Variants in MDGA2 observed in about 807,000 individuals in gnomAD.
MDGA2 encodes MAM domain-containing glycosylphosphatidylinositol anchor protein 2.
MDGA2 carries 40 observed loss-of-function variants against 117.8 expected under a neutral mutation model. That is an observed-to-expected ratio of 0.34 (90% CI 0.26 to 0.44). The LOEUF (loss-of-function observed/expected upper bound fraction) is 0.44. MDGA2 is among the 20% of genes least tolerant of loss of function. The pLI, the probability that MDGA2 is intolerant of heterozygous loss-of-function variation, is 1.00. For missense variants in MDGA2, 1,123 were observed against 1,250.6 expected (o/e 0.90, Z 1.54); for synonymous variants, 452 against 439.0 (o/e 1.03, Z -0.37).
chr14:47,601,443 A>G (rs1462376888), intron 1 of MDGA2, among the ~76,000 whole-genome samples: 1 of 152,188 alleles, frequency 6.6e-6, no homozygotes, highest in Non-Finnish European at 1.5e-5. Flanking sequence ...TCTTTCTGGA[A>G]GATGACAAAG....
At chr14:47,119,052 CTT>C (rs371151507) in intron 5 of MDGA2, among the ~76,000 whole-genome samples, 88 of 124,322 alleles carry the variant, frequency 7.1e-4, no homozygotes, top group Admixed American at 8.4e-4. Flanking sequence ...TACATATTCT[CTT>C]TTTTTTTTTT....
chr14:46,954,142 T>G (rs573336098), intron 9 of MDGA2, among the ~76,000 whole-genome samples: 79 of 152,128 alleles, frequency 5.2e-4, no homozygotes, highest in African/African-American at 1.8e-3. Flanking sequence ...TTTTCCTCAT[T>G]GACTGCTTCT....
At chr14:47,423,201 T>C (rs1892614645) in intron 1 of MDGA2, among the ~76,000 whole-genome samples, 1 of 152,180 alleles carries the variant, frequency 6.6e-6, no homozygotes, top group African/African-American at 2.4e-5. Flanking sequence ...ATGAGCTAAA[T>C]TTGAAATTCA....
In MDGA2 at chr14:47,129,687, A is replaced by T. The variant is rs1379904165; in HGVS notation, c.925+2027T>A. Among the ~76,000 whole-genome samples, 11 of 148,694 alleles carry T rather than the reference A, an allele frequency of 7.4e-5. No individual in the cohort carries two copies. In the East Asian group the frequency reaches 1.8e-3, roughly 24 times the overall value. On this transcript the variant is annotated intron_variant, in intron 5 of 16. Transcript: ENST00000399232. Reference sequence around the variant, plus strand: ...GCCACACTGACTTCCACAATGGTTGAACTAGTTTACAGTCCCACCAACAGT... The same window carrying T: ...GCCACACTGACTTCCACAATGGTTGTACTAGTTTACAGTCCCACCAACAGT...
chr14:47,229,166 A>G (rs1566691593), intron 2 of MDGA2, among the ~76,000 whole-genome samples: 1 of 152,132 alleles, frequency 6.6e-6, no homozygotes, highest in Non-Finnish European at 1.5e-5. Flanking sequence ...TTACACATAT[A>G]TAGTATACCG....
chr14:47,437,996 C>T (rs1393048142), intron 1 of MDGA2, among the ~76,000 whole-genome samples: 1 of 152,074 alleles, frequency 6.6e-6, no homozygotes, highest in East Asian at 1.9e-4. Flanking sequence ...AGAATTTCTC[C>T]CATTATAGGT....
chr14:47,377,861 G>A (rs1891516013), intron 1 of MDGA2, among the ~76,000 whole-genome samples: 1 of 152,186 alleles, frequency 6.6e-6, no homozygotes, highest in South Asian at 2.1e-4. Context: ...GAAGAGAGTA[G>A]TGGTTCTCCC....
intron 2 of MDGA2, among the ~76,000 whole-genome samples, chr14:47,235,339 A>G (rs981932543): frequency 2.0e-5 from 3 of 152,194 alleles, no homozygotes; most frequent in African/African-American, 7.2e-5. Flanking sequence ...TTATGATACA[A>G]AAAAGTTTCA....
chr14:47,499,230 G>T (rs1375970341), intron 1 of MDGA2, among the ~76,000 whole-genome samples: 1 of 151,982 alleles, frequency 6.6e-6, no homozygotes, highest in African/African-American at 2.4e-5. Flanking sequence ...CCACTTACTG[G>T]TCTTTGTTAG....
At chr14:47,604,911 C>T (rs1413756479) in intron 1 of MDGA2, among the ~76,000 whole-genome samples, 1 of 152,144 alleles carries the variant, frequency 6.6e-6, no homozygotes, top group African/African-American at 2.4e-5. Context: ...CCTACCTGCA[C>T]AGGACTGCTC....
At chr14:47,360,567 A>G (rs1159561238) in intron 1 of MDGA2, among the ~76,000 whole-genome samples, 1 of 152,104 alleles carries the variant, frequency 6.6e-6, no homozygotes, top group East Asian at 1.9e-4. Flanking sequence ...AAAAGACAAG[A>G]GATAACAAGT....
intron 5 of MDGA2, among the ~76,000 whole-genome samples, chr14:47,114,731 A>C (rs1445586405): frequency 2.0e-5 from 3 of 152,146 alleles, no homozygotes; most frequent in Non-Finnish European, 4.4e-5. Context: ...CAGAAAATTG[A>C]AACTAGGCCA....
chr14:47,100,907 G>A (rs1025906129), intron 5 of MDGA2, among the ~76,000 whole-genome samples: 1 of 151,970 alleles, frequency 6.6e-6, no homozygotes, highest in East Asian at 1.9e-4. Context: ...AATGACTATG[G>A]TGCCAGTCAG....
chr14:47,458,511 G>A (rs1023302476), intron 1 of MDGA2, among the ~76,000 whole-genome samples: 2 of 152,116 alleles, frequency 1.3e-5, no homozygotes, highest in African/African-American at 2.4e-5. Context: ...CGGTGAGGGG[G>A]AAATGGAGAG....
At chr14:47,403,693 G>A (rs765628103) in intron 1 of MDGA2, among the ~76,000 whole-genome samples, 1 of 152,022 alleles carries the variant, frequency 6.6e-6, no homozygotes. Context: ...TTGAATTTGC[G>A]TGCTTTAGCT....
At chr14:47,337,384 T>C (rs12436870) in intron 1 of MDGA2, among the ~76,000 whole-genome samples, 50,085 of 152,010 alleles carry the variant, frequency 0.33, 9,177 homozygotes, top group Admixed American at 0.52. Flanking sequence ...CTTGCCTTAC[T>C]GGCTATTCTT....
intron 1 of MDGA2, among the ~76,000 whole-genome samples, chr14:47,399,853 C>T (rs1357726394): frequency 6.6e-6 from 1 of 152,028 alleles, no homozygotes; most frequent in African/African-American, 2.4e-5. Flanking sequence ...AAAGAAAAGT[C>T]ACCATGGGTC....
intron 2 of MDGA2, among the ~76,000 whole-genome samples, chr14:47,227,022 G>T (rs74675056): frequency 6.6e-6 from 1 of 151,988 alleles, no homozygotes; most frequent in Non-Finnish European, 1.5e-5. Flanking sequence ...GCTCTATTAT[G>T]TCCTGCCCCC....
intron 3 of MDGA2, among the ~76,000 whole-genome samples, chr14:47,202,137 A>G (rs1427813965): frequency 6.6e-6 from 1 of 152,162 alleles, no homozygotes; most frequent in Non-Finnish European, 1.5e-5. Flanking sequence ...GTCATTCATC[A>G]TTTTAAACCT....
Sources: allele counts gnomAD v4.1 joint callset (sites outside exome capture counted in the v4.1 genomes callset), GRCh38; gene constraint gnomAD v4.1.1; transcripts MANE v1.5; gene names NCBI Gene and HGNC (gene_info 2026-07-23, HGNC 2026-07-21).